Variants in THSD7B observed in about 807,000 individuals in gnomAD.
THSD7B encodes the protein thrombospondin type-1 domain-containing protein 7B.
Under a neutral mutation model 213.6 loss-of-function variants are expected in THSD7B, and 138 were observed. The ratio of observed to expected loss-of-function variants is 0.65; its 90% CI spans 0.56 to 0.74. The LOEUF (loss-of-function observed/expected upper bound fraction) is 0.74, where lower values mean the gene tolerates loss of function less well. Among genes scored for constraint, THSD7B ranks in the 30% least tolerant of loss-of-function variants. THSD7B has a pLI of 0.00. For missense variants in THSD7B, 1,931 were observed against 1,991.5 expected (o/e 0.97, Z 0.58); for synonymous variants, 742 against 687.0 (o/e 1.08, Z -1.25).
rs1390869178 is a variant in THSD7B, at chr2:137,620,648, T to C, written c.3721T>C (p.Leu1241=). The change falls in exon 20 of 28, where the codon TTG becomes CTG. Residue 1241 remains leucine (L), a synonymous_variant. Coordinates refer to ENST00000409968, the MANE Select transcript of THSD7B (RefSeq NM_001316349.2). ...GCCCCAGAGAATGAGCATTCCCTGCTTGGTGGAATGCGTGGTCAACTGTCA... is the reference window on the plus strand; with the variant it reads ...GCCCCAGAGAATGAGCATTCCCTGCCTGGTGGAATGCGTGGTCAACTGTCA... ...EKPQRMSIPC[L]VECVVNCQLS... The C allele has an allele frequency of 6.2e-7, 1 of 1,613,838 alleles. No individual in the cohort carries two copies. The highest frequency in any genetic ancestry group is 1.3e-5 in the African/African-American group (1 of 74,922).
intron 1 of THSD7B, among the ~76,000 whole-genome samples, chr2:136,791,887 G>C (rs1681971072): frequency 6.6e-6 from 1 of 151,856 alleles, no homozygotes; most frequent in Non-Finnish European, 1.5e-5. Context: ...CATTTCTCTT[G>C]GGTATATACC....
At chr2:137,555,018 G>C (rs1210357167) in intron 15 of THSD7B, among the ~76,000 whole-genome samples, 1 of 152,190 alleles carries the variant, frequency 6.6e-6, no homozygotes, top group African/African-American at 2.4e-5. Flanking sequence ...CATTGTTGAG[G>C]CTTGAGTAGG....
At chr2:137,490,617 C>G (rs1463039887) in intron 15 of THSD7B, among the ~76,000 whole-genome samples, 1 of 152,128 alleles carries the variant, frequency 6.6e-6, no homozygotes, top group African/African-American at 2.4e-5. Flanking sequence ...TACATTGACA[C>G]AAATTATCAG....
At chr2:137,103,399 C>T (rs992541269) in intron 4 of THSD7B, among the ~76,000 whole-genome samples, 17 of 151,938 alleles carry the variant, frequency 1.1e-4, no homozygotes, top group African/African-American at 3.6e-4. Flanking sequence ...AATATGGAGA[C>T]GAAAATCCAG....
At chr2:136,989,448 C>T (rs1685725201) in intron 2 of THSD7B, among the ~76,000 whole-genome samples, 2 of 151,888 alleles carry the variant, frequency 1.3e-5, no homozygotes, top group African/African-American at 4.8e-5. Flanking sequence ...TCTCTCTCTT[C>T]CTATGTGATA....
intron 15 of THSD7B, chr2:137,451,936 T>A: frequency 3.0e-6 from 1 of 334,530 alleles, no homozygotes; most frequent in Non-Finnish European, 4.3e-6. Flanking sequence ...TTCTAGTATA[T>A]GAATTTCTAT....
intron 15 of THSD7B, among the ~76,000 whole-genome samples, chr2:137,535,657 T>C (rs538674940): frequency 6.6e-5 from 10 of 151,788 alleles, no homozygotes; most frequent in African/African-American, 2.2e-4. Context: ...AACATGACAG[T>C]CAAAAACTCT....
chr2:137,018,380 C>G (rs896011311), intron 2 of THSD7B, among the ~76,000 whole-genome samples: 3 of 152,064 alleles, frequency 2.0e-5, no homozygotes, highest in African/African-American at 4.8e-5. Context: ...AAGATGTTAG[C>G]AGGTGCAACC....
At chr2:137,501,684 C>T (rs1201957757) in intron 15 of THSD7B, among the ~76,000 whole-genome samples, 2 of 152,174 alleles carry the variant, frequency 1.3e-5, no homozygotes, top group Non-Finnish European at 2.9e-5. Flanking sequence ...TATGATTGTA[C>T]TTATAAAAAC....
chr2:137,111,793 T>A (rs1337531167), intron 4 of THSD7B, among the ~76,000 whole-genome samples: 2 of 152,332 alleles, frequency 1.3e-5, no homozygotes, highest in East Asian at 3.9e-4. Flanking sequence ...CTATGGAAAC[T>A]GACATTTCTT....
intron 5 of THSD7B, among the ~76,000 whole-genome samples, chr2:137,134,080 T>A (rs1008706294): frequency 6.6e-6 from 1 of 152,216 alleles, no homozygotes; most frequent in Non-Finnish European, 1.5e-5. Flanking sequence ...TATAAATGCT[T>A]CATCTAAGTC....
intron 14 of THSD7B, among the ~76,000 whole-genome samples, chr2:137,422,336 G>A (rs952847033): frequency 6.6e-6 from 1 of 152,064 alleles, no homozygotes; most frequent in Non-Finnish European, 1.5e-5. Context: ...AGGGTATTGG[G>A]CATCCCCTTG....
At chr2:137,243,998 G>GT (rs1228009522) in intron 10 of THSD7B, among the ~76,000 whole-genome samples, 6 of 152,084 alleles carry the variant, frequency 3.9e-5, no homozygotes, top group African/African-American at 1.2e-4. Flanking sequence ...TCCAAAACTT[G>GT]TTTTTTTCTG....
intron 2 of THSD7B, among the ~76,000 whole-genome samples, chr2:136,904,174 G>C (rs1444598547): frequency 6.6e-6 from 1 of 152,132 alleles, no homozygotes; most frequent in African/African-American, 2.4e-5. Context: ...GGCAACCCCA[G>C]CAAATGTGGA....
intron 12 of THSD7B, among the ~76,000 whole-genome samples, chr2:137,335,661 G>C (rs957012228): frequency 1.3e-5 from 2 of 152,170 alleles, no homozygotes; most frequent in Non-Finnish European, 2.9e-5. Context: ...AAGGACAGAG[G>C]GGGTAGTAAG....
chr2:137,072,478 G>A (rs1303197080), intron 3 of THSD7B, among the ~76,000 whole-genome samples: 4 of 152,128 alleles, frequency 2.6e-5, no homozygotes, highest in Non-Finnish European at 5.9e-5. Context: ...TGCTGAAGTT[G>A]CTTATCAGCT....
chr2:137,619,229 A>T (rs1183034458), intron 19 of THSD7B, among the ~76,000 whole-genome samples: 1 of 152,234 alleles, frequency 6.6e-6, no homozygotes. Flanking sequence ...ATAAATTGGA[A>T]AAAGGGGACC....
chr2:137,331,474 T>C (rs1684504957), intron 12 of THSD7B, among the ~76,000 whole-genome samples: 2 of 152,158 alleles, frequency 1.3e-5, no homozygotes, highest in Admixed American at 1.3e-4. Flanking sequence ...AGAGTGCTGA[T>C]TGGTGTATTT....
intron 14 of THSD7B, among the ~76,000 whole-genome samples, chr2:137,432,417 T>TA (rs1687207510): frequency 6.6e-6 from 1 of 152,014 alleles, no homozygotes; most frequent in Non-Finnish European, 1.5e-5. Flanking sequence ...AAATAAAAAA[T>TA]AAAAATTGTC....
Sources: gnomAD v4.1 joint callset for allele counts (sites outside exome capture counted in the v4.1 genomes callset) on GRCh38, gnomAD v4.1.1 for gene constraint, MANE v1.5 for transcripts, NCBI Gene and HGNC (gene_info 2026-07-23, HGNC 2026-07-21) for gene names.